USO1: variants seen among roughly 807,000 people sequenced by gnomAD.
USO1 encodes general vesicular transport factor p115.
Under a neutral mutation model 124.5 loss-of-function variants are expected in USO1, and 57 were observed. The ratio of observed to expected loss-of-function variants is 0.46; its 90% confidence interval spans 0.37 to 0.57. USO1 has a LOEUF of 0.57. USO1 is among the 20% of genes least tolerant of loss of function. The pLI, the probability that USO1 is intolerant of heterozygous loss-of-function variation, is 0.00. For synonymous variants in USO1, 369 were observed against 362.8 expected, an observed-to-expected ratio of 1.02 and a Z score of -0.19; for missense variants, 900 against 1,040.6, an observed-to-expected ratio of 0.86 and a Z score of 1.86.
rs985132507 is a variant in USO1, at chr4:75,813,430, T to C, written c.*135T>C. 10 of 954,786 alleles carry C rather than the reference T, an allele frequency of 1.0e-5. No homozygotes were observed. Among genetic ancestry groups the C allele is most frequent in the Admixed American group, 4.1e-5 (1 of 24,540 alleles). 59.1% of individuals were successfully genotyped at this position (954,786 alleles called of 1,614,324 possible). A position where few individuals can be genotyped will look rare whatever the true frequency, so the allele number is the denominator to read the frequency against. ...TTCACTATTAAGACTATTGATATAT[T>C]TTTGTAATGTTGCCACCCATGTTGA... On this transcript the variant is annotated 3_prime_UTR_variant, in exon 24 of 24. Transcript: ENST00000514213.
chr4:75,797,342 A>T lies in USO1; in HGVS notation c.1453-2280A>T, dbSNP rs1294868001. Among the ~76,000 whole-genome samples, 8 of 151,920 alleles carry T rather than the reference A, an allele frequency of 5.3e-5. No homozygotes were observed. The East Asian group carries it at 1.5e-3, about 29-fold the overall frequency. On this transcript the variant is annotated intron_variant, in intron 13 of 23. Transcript: ENST00000514213. ...TCTCCAGTTGTCCCAAAATCTTTTA[A>T]GTCTATTTGTAACTCACTGATAGTT...
chr4:75,804,290 A>T lies in USO1; in HGVS notation c.2125+18A>T. On this transcript the variant is annotated intron_variant, in intron 18 of 23. Coordinates refer to ENST00000514213, the MANE Select transcript of USO1 (RefSeq NM_003715.4). ...ACAGCTAGGTAAGCATAGCTAAGCC[A>T]TCACTATGATAGCACTCAGGTCATT... 4.4e-6 allele frequency: 7 copies of T among 1,606,646 alleles called. No homozygotes were observed. The highest frequency in any genetic ancestry group is 5.9e-6 in the Non-Finnish European group (7 of 1,176,642).
chr4:75,810,405 A>G, intron 21 of USO1, 27 bp from the exon 22 acceptor site: 3 of 1,584,738 alleles, frequency 1.9e-6, no homozygotes, highest in Non-Finnish European at 1.7e-6. Context: ...TTTAAGAGAC[A>G]TCTTTTTTTC....
rs775901397 is a variant in USO1, at chr4:75,804,089, A to G, written c.1987-45A>G. ...AAAATGTGTTCACCTTCTTAATGCT[A>G]ACGAGTATGACTTTAAAACACATGA... On this transcript the variant is annotated intron_variant, in intron 17 of 23. Transcript: ENST00000514213. 1.6e-5 allele frequency: 26 copies of G among 1,593,114 alleles called. No individual in the cohort carries two copies. The East Asian group carries it at 5.8e-4, about 36-fold the overall frequency.
At chr4:75,785,851 AAAG>A (rs1356007276) in intron 9 of USO1, among the ~76,000 whole-genome samples, 1 of 152,174 alleles carries the variant, frequency 6.6e-6, no homozygotes, top group Non-Finnish European at 1.5e-5. Flanking sequence ...ATACTCAAAA[AAAG>A]AAGGAAAAGA....
chr4:75,730,801 C>T (rs1322879851), intron 1 of USO1, among the ~76,000 whole-genome samples: 1 of 151,722 alleles, frequency 6.6e-6, no homozygotes, highest in Non-Finnish European at 1.5e-5. Flanking sequence ...AGTTATTCAC[C>T]ATTAATTTGA....
intron 22 of USO1, among the ~76,000 whole-genome samples, chr4:75,811,274 G>A (rs890219060): frequency 1.3e-5 from 2 of 151,706 alleles, no homozygotes; most frequent in Non-Finnish European, 2.9e-5. Context: ...TCCTGCCTCA[G>A]CCTCCTGAGT....
intron 1 of USO1, among the ~76,000 whole-genome samples, chr4:75,729,163 C>G (rs1208759305): frequency 6.6e-6 from 1 of 152,080 alleles, no homozygotes; most frequent in Non-Finnish European, 1.5e-5. Flanking sequence ...TGATTGAAGC[C>G]TCTTTAGCCT....
intron 21 of USO1, 103 bp downstream of exon 21, chr4:75,809,154 CTCTTTAGATTACTTACTAG>C (rs1372804546): frequency 5.2e-5 from 69 of 1,334,750 alleles, no homozygotes; most frequent in Non-Finnish European, 6.7e-5. Context: ...ATAGCACCTT[CTCTTTAGATTACTTACTAG>C]CCGGTATTCT....
intron 4 of USO1, chr4:75,767,487 G>A (rs772764537): frequency 6.8e-6 from 3 of 438,630 alleles, no homozygotes; most frequent in South Asian, 3.2e-5. Flanking sequence ...GCTCACGCCT[G>A]TAATCCCAGC....
At chr4:75,729,409 G>A (rs1196794347) in intron 1 of USO1, among the ~76,000 whole-genome samples, 1 of 151,954 alleles carries the variant, frequency 6.6e-6, no homozygotes, top group Non-Finnish European at 1.5e-5. Context: ...ACGTAATCTC[G>A]GCTCACTGCA....
intron 1 of USO1, among the ~76,000 whole-genome samples, chr4:75,742,933 C>T (rs1392076091): frequency 2.6e-5 from 4 of 152,132 alleles, no homozygotes; most frequent in East Asian, 1.9e-4. Context: ...GAATGAGGTT[C>T]CAGCAACAAA....
At chr4:75,771,249 A>C in intron 7 of USO1, 112 bp downstream of exon 7, 1 of 1,245,138 alleles carries the variant, frequency 8.0e-7, no homozygotes, top group Non-Finnish European at 1.1e-6. Flanking sequence ...TGGAGTAATG[A>C]CCTTTTTTTA....
chr4:75,785,227 A>T (rs1463242593), intron 9 of USO1, among the ~76,000 whole-genome samples: 1 of 152,196 alleles, frequency 6.6e-6, no homozygotes, highest in Admixed American at 6.5e-5. Flanking sequence ...TCATCATCAC[A>T]GTTATCATGA....
At chr4:75,771,162 A>C in intron 7 of USO1, 25 bp downstream of exon 7, 1 of 1,582,792 alleles carries the variant, frequency 6.3e-7, no homozygotes. Context: ...AAAAAGAAAT[A>C]CAAAAATATG....
At chr4:75,749,591 G>A (rs1484476335) in intron 1 of USO1, among the ~76,000 whole-genome samples, 4 of 150,912 alleles carry the variant, frequency 2.7e-5, no homozygotes, top group African/African-American at 9.7e-5. Flanking sequence ...TAGAGACATG[G>A]TCTCACTATG....
Position 75,774,407 on chromosome 4 carries a change from A to G in USO1, c.556-269A>G, listed in dbSNP as rs544821057. 2.6e-4 allele frequency among the ~76,000 whole-genome samples: 40 copies of G among 152,364 alleles called. 1 individual carries two copies. The highest frequency in any genetic ancestry group is 7.9e-4 in the African/African-American group (33 of 41,594). On this transcript the variant is annotated intron_variant, in intron 7 of 23. Coordinates refer to ENST00000514213, the MANE Select transcript of USO1 (RefSeq NM_003715.4). The stretch of plus-strand genomic sequence containing the variant: ...TGTAGTGGTTAATGAATATAAAGGA[A>G]TTCTAGTATGTTTATATCATAAAGT...
At chr4:75,748,190 C>CATCGTGCCCAGCTGGTA (rs1025647998) in intron 1 of USO1, among the ~76,000 whole-genome samples, 1 of 150,004 alleles carries the variant, frequency 6.7e-6, no homozygotes, top group Non-Finnish European at 1.5e-5. Context: ...AGGCGTGAGC[C>CATCGTGCCCAGCTGGTA]ATCGTGCCCA....
At chr4:75,731,421 A>G (rs1389772022) in intron 1 of USO1, among the ~76,000 whole-genome samples, 4 of 152,012 alleles carry the variant, frequency 2.6e-5, no homozygotes, top group Admixed American at 6.6e-5. Flanking sequence ...AATTAGCTGG[A>G]CATGGTGGCA....
Sources: gnomAD v4.1 joint callset for allele counts (sites outside exome capture counted in the v4.1 genomes callset) on GRCh38, gnomAD v4.1.1 for gene constraint, MANE v1.5 for transcripts, NCBI Gene and HGNC (gene_info 2026-07-23, HGNC 2026-07-21) for gene names.